Variants in LRGUK observed in about 807,000 individuals in gnomAD.
LRGUK encodes the protein leucine-rich repeat and guanylate kinase domain-containing protein.
Under a neutral mutation model 76.0 loss-of-function variants are expected in LRGUK, and 65 were observed. The observed-to-expected ratio is 0.85, with a 90% CI of 0.70 to 1.05. The LOEUF is 1.05. Ranked by LOEUF, LRGUK falls within the 50% of genes least tolerant of loss-of-function variation. The probability of loss-of-function intolerance (pLI) is 0.00; values close to 1 mark genes in which losing one functional copy is unlikely to be tolerated. For missense variants in LRGUK, 758 were observed against 732.8 expected, an observed-to-expected ratio of 1.03 and a Z score of -0.40; for synonymous variants, 268 against 265.6, an observed-to-expected ratio of 1.01 and a Z score of -0.09.
intron 1 of LRGUK, among the ~76,000 whole-genome samples, chr7:134,129,065 C>G (rs1237583636): frequency 6.6e-6 from 1 of 151,150 alleles, no homozygotes; most frequent in Non-Finnish European, 1.5e-5. Context: ...TTCTTTCTTT[C>G]TCTTTCTTTC....
At chr7:134,232,651 T>C (rs1004636240) in intron 16 of LRGUK, among the ~76,000 whole-genome samples, 1 of 152,184 alleles carries the variant, frequency 6.6e-6, no homozygotes, top group Admixed American at 6.5e-5. Flanking sequence ...TAGGAAGAAA[T>C]GCCCAAGAAT....
chr7:134,181,324 C>A (rs898818556), intron 10 of LRGUK, among the ~76,000 whole-genome samples: 1 of 151,952 alleles, frequency 6.6e-6, no homozygotes, highest in Non-Finnish European at 1.5e-5. Context: ...AAAAATGTTA[C>A]TCCATTGTCT....
At chr7:134,245,165 C>G (rs1019458621) in intron 16 of LRGUK, among the ~76,000 whole-genome samples, 7 of 151,974 alleles carry the variant, frequency 4.6e-5, no homozygotes, top group Non-Finnish European at 5.9e-5. Flanking sequence ...TGCACATGTA[C>G]CCTAGAACTT....
chr7:134,263,787 T>C (rs1338592557), intron 19 of LRGUK, 58 bp from the exon 20 acceptor site: 16 of 1,506,628 alleles, frequency 1.1e-5, no homozygotes, highest in Middle Eastern at 1.7e-4. Flanking sequence ...GCAACACTTA[T>C]TCTCTTTGTA....
At chr7:134,161,136 T>C (rs1421299408) in intron 6 of LRGUK, among the ~76,000 whole-genome samples, 1 of 152,218 alleles carries the variant, frequency 6.6e-6, no homozygotes, top group African/African-American at 2.4e-5. Flanking sequence ...TTCAAAATTC[T>C]GTGGGAAGAA....
chr7:134,226,138 T>C (rs1801735586), intron 16 of LRGUK, among the ~76,000 whole-genome samples: 1 of 152,012 alleles, frequency 6.6e-6, no homozygotes, highest in African/African-American at 2.4e-5. Context: ...TAAGTGTACA[T>C]TGAATGTGTT....
intron 11 of LRGUK, among the ~76,000 whole-genome samples, chr7:134,188,055 AT>A (rs1437206801): frequency 6.6e-6 from 1 of 152,240 alleles, no homozygotes; most frequent in African/African-American, 2.4e-5. Context: ...AGAATGGTTC[AT>A]TTATTCATTC....
intron 11 of LRGUK, among the ~76,000 whole-genome samples, chr7:134,190,623 A>G (rs1209962435): frequency 6.6e-6 from 1 of 152,224 alleles, no homozygotes; most frequent in African/African-American, 2.4e-5. Flanking sequence ...GGACCACCAT[A>G]TTCTTGTAGG....
At chr7:134,200,228 G>A (rs1420382403) in intron 14 of LRGUK, among the ~76,000 whole-genome samples, 1 of 150,722 alleles carries the variant, frequency 6.6e-6, no homozygotes, top group African/African-American at 2.4e-5. Flanking sequence ...GTAGAGACAG[G>A]GTTTAACCAT....
exon 11 of LRGUK, chr7:134,183,814 A>G (rs758180099): frequency 3.7e-6 from 6 of 1,614,032 alleles, no homozygotes; most frequent in Non-Finnish European, 1.7e-6. Flanking sequence ...GAGCTTGCCC[A>G]TCGCCTCTGC....
At chr7:134,253,739 C>T (rs1381734633) in intron 18 of LRGUK, among the ~76,000 whole-genome samples, 1 of 152,118 alleles carries the variant, frequency 6.6e-6, no homozygotes, top group Non-Finnish European at 1.5e-5. Context: ...CAGTGAAACC[C>T]GGGAGGCAGA....
chr7:134,143,101 T>G, exon 4 of LRGUK: 1 of 1,610,658 alleles, frequency 6.2e-7, no homozygotes, highest in Non-Finnish European at 8.5e-7. Context: ...CTCCTAGAAC[T>G]TAATGCTTCT....
intron 11 of LRGUK, 38 bp downstream of exon 11, chr7:134,183,891 C>G: frequency 6.2e-7 from 1 of 1,608,406 alleles, no homozygotes; most frequent in Non-Finnish European, 8.5e-7. Context: ...CTTGGAAATT[C>G]ATCCGAATTA....
At chr7:134,191,879 A>T in intron 12 of LRGUK, 128 bp downstream of exon 12, 2 of 578,024 alleles carry the variant, frequency 3.5e-6, no homozygotes, top group Non-Finnish European at 2.9e-6. Context: ...GTGAGTTTTT[A>T]TGGGGTTTTT....
intron 6 of LRGUK, among the ~76,000 whole-genome samples, chr7:134,160,592 C>T (rs920028274): frequency 6.5e-4 from 99 of 152,224 alleles, no homozygotes; most frequent in African/African-American, 2.4e-3. Context: ...ACCATATGAA[C>T]CAACTGTTAA....
intron 10 of LRGUK, among the ~76,000 whole-genome samples, chr7:134,180,844 C>G (rs935096436): frequency 1.3e-5 from 2 of 152,226 alleles, no homozygotes; most frequent in Non-Finnish European, 2.9e-5. Flanking sequence ...ATTTCCAAAA[C>G]ATTTTCATTA....
intron 1 of LRGUK, among the ~76,000 whole-genome samples, chr7:134,132,046 A>G (rs1797331508): frequency 6.6e-6 from 1 of 152,216 alleles, no homozygotes; most frequent in Non-Finnish European, 1.5e-5. Flanking sequence ...TAGGGAAGCC[A>G]AGAGTCTCAA....
At chr7:134,246,285 C>G (rs1901215) in intron 16 of LRGUK, among the ~76,000 whole-genome samples, 11,813 of 152,182 alleles carry the variant, frequency 0.078, 1,121 homozygotes, top group African/African-American at 0.22. Flanking sequence ...GTGCTAAAGT[C>G]TGTGTGCTGT....
chr7:134,148,282 GT>G lies in LRGUK; in HGVS notation c.634del (p.Ser212GlnfsTer9), dbSNP rs1474511595. ...ACCAAATTTCTGAAATTTGTGATTTGTCAGCGTATCATGCTCTCACTAAACT... is the reference window on the plus strand; with the variant it reads ...ACCAAATTTCTGAAATTTGTGATTTGCAGCGTATCATGCTCTCACTAAACT... On this transcript the variant is annotated frameshift_variant, in exon 5 of 16. Coordinates refer to ENST00000645682, the Ensembl canonical transcript of LRGUK. LOFTEE classifies it high-confidence loss of function. 6.2e-7 allele frequency: 1 copy of G among 1,605,484 alleles called. No individual in the cohort carries two copies. The highest frequency in any genetic ancestry group is 8.5e-7 in the Non-Finnish European group (1 of 1,177,766).
Sources: gnomAD v4.1 joint callset for allele counts (sites outside exome capture counted in the v4.1 genomes callset) on GRCh38, gnomAD v4.1.1 for gene constraint, MANE v1.5 for transcripts, NCBI Gene and HGNC (gene_info 2026-07-23, HGNC 2026-07-21) for gene names.